The following EPHA6 variants were observed in gnomAD, a reference collection of about 807,000 sequenced individuals.
EPHA6 encodes the protein EPH receptor A6.
In EPHA6, 50 loss-of-function variants were observed where a neutral mutation model predicts 112.0. That is an observed-to-expected ratio of 0.45 (90% CI 0.36 to 0.56). EPHA6 has a LOEUF of 0.56. Among genes scored for constraint, EPHA6 ranks in the 20% least tolerant of loss-of-function variants. The pLI, the probability that EPHA6 is intolerant of heterozygous loss-of-function variation, is 0.00. For missense variants in EPHA6, 1,280 were observed against 1,417.4 expected (o/e 0.90, Z 1.56); for synonymous variants, 529 against 490.7 (o/e 1.08, Z -1.03).
chr3:96,964,620 C>T (rs538857100), intron 2 of EPHA6, among the ~76,000 whole-genome samples: 7 of 152,184 alleles, frequency 4.6e-5, no homozygotes, highest in African/African-American at 1.4e-4. Context: ...TTGATGCATA[C>T]GTTTCACTGT....
At chr3:97,446,242 T>C (rs2090341641) in intron 6 of EPHA6, among the ~76,000 whole-genome samples, 1 of 152,148 alleles carries the variant, frequency 6.6e-6, no homozygotes, top group African/African-American at 2.4e-5. Flanking sequence ...TTCCTCATCA[T>C]GTCAGCAAGC....
chr3:97,587,864 C>T (rs552193701), intron 11 of EPHA6, among the ~76,000 whole-genome samples: 18 of 152,192 alleles, frequency 1.2e-4, no homozygotes, highest in African/African-American at 4.3e-4. Context: ...CTGTGTTGGG[C>T]CAGGTAAAAT....
chr3:97,678,912 C>A (rs1178082341), intron 14 of EPHA6, among the ~76,000 whole-genome samples: 1 of 151,986 alleles, frequency 6.6e-6, no homozygotes, highest in Admixed American at 6.6e-5. Context: ...TCAGTGTGTA[C>A]CTTTGTGTGT....
intron 3 of EPHA6, among the ~76,000 whole-genome samples, chr3:97,164,479 A>T (rs750421404): frequency 6.6e-6 from 1 of 151,896 alleles, no homozygotes; most frequent in East Asian, 1.9e-4. Context: ...CATGTTGCTT[A>T]TTTTTCTCTC....
At chr3:96,856,416 G>A (rs1220485775) in intron 1 of EPHA6, among the ~76,000 whole-genome samples, 1 of 151,962 alleles carries the variant, frequency 6.6e-6, no homozygotes, top group Non-Finnish European at 1.5e-5. Context: ...TCACATGTAA[G>A]AAACCTTGGA....
intron 3 of EPHA6, among the ~76,000 whole-genome samples, chr3:97,218,744 C>T (rs1384363482): frequency 6.6e-6 from 1 of 152,192 alleles, no homozygotes; most frequent in Admixed American, 6.5e-5. Flanking sequence ...TGATACCAAT[C>T]ATGCCTTCCC....
chr3:97,447,030 G>T (rs1469737137), intron 6 of EPHA6, among the ~76,000 whole-genome samples: 1 of 151,388 alleles, frequency 6.6e-6, no homozygotes, highest in African/African-American at 2.4e-5. Flanking sequence ...TTTTTTCCTT[G>T]TACTTTATGT....
chr3:97,657,527 A>AT (rs1046559355), intron 14 of EPHA6, among the ~76,000 whole-genome samples: 2 of 151,898 alleles, frequency 1.3e-5, no homozygotes, highest in African/African-American at 4.8e-5. Context: ...TGGAGCTGTG[A>AT]TTTTAATCTC....
intron 2 of EPHA6, among the ~76,000 whole-genome samples, chr3:96,947,363 C>T (rs986456958): frequency 1.3e-5 from 2 of 152,010 alleles, no homozygotes; most frequent in African/African-American, 4.8e-5. Flanking sequence ...TTGTATAAGG[C>T]ATAAGGAAGG....
intron 3 of EPHA6, among the ~76,000 whole-genome samples, chr3:97,030,643 T>C (rs1443035595): frequency 1.3e-5 from 2 of 151,876 alleles, no homozygotes; most frequent in African/African-American, 4.8e-5. Context: ...TGGTGCATAA[T>C]TATTACCTCA....
At chr3:96,897,459 T>C (rs1271741421) in intron 2 of EPHA6, among the ~76,000 whole-genome samples, 1 of 152,234 alleles carries the variant, frequency 6.6e-6, no homozygotes, top group African/African-American at 2.4e-5. Context: ...AGAGAGGTTG[T>C]TATTGAATCA....
chr3:97,704,500 C>T (rs559453728), intron 14 of EPHA6, among the ~76,000 whole-genome samples: 91 of 152,234 alleles, frequency 6.0e-4, no homozygotes, highest in African/African-American at 1.9e-3. Context: ...TCCCTCTTGC[C>T]GATGACCTAT....
chr3:97,567,089 T>C (rs1403353510), intron 11 of EPHA6, among the ~76,000 whole-genome samples: 1 of 152,242 alleles, frequency 6.6e-6, no homozygotes, highest in Admixed American at 6.5e-5. Flanking sequence ...GGTTCATTCA[T>C]GTTTTATTCT....
chr3:96,952,155 C>G (rs1206285413), intron 2 of EPHA6, among the ~76,000 whole-genome samples: 1 of 152,144 alleles, frequency 6.6e-6, no homozygotes, highest in African/African-American at 2.4e-5. Flanking sequence ...CTACACCCAT[C>G]CAGACAAGAA....
intron 2 of EPHA6, among the ~76,000 whole-genome samples, chr3:96,906,200 A>G (rs74361964): frequency 0.069 from 10,513 of 152,136 alleles, 719 homozygotes; most frequent in Admixed American, 0.21. Context: ...AGAGAGAAGT[A>G]GGAGACAAGG....
At chr3:97,575,688 C>G (rs761987060) in intron 11 of EPHA6, among the ~76,000 whole-genome samples, 4 of 151,986 alleles carry the variant, frequency 2.6e-5, no homozygotes, top group African/African-American at 7.2e-5. Flanking sequence ...CTGTGGGGAG[C>G]CTTTGAAAGG....
At chr3:97,328,800 G>A (rs1428652536) in intron 5 of EPHA6, among the ~76,000 whole-genome samples, 4 of 151,790 alleles carry the variant, frequency 2.6e-5, no homozygotes, top group African/African-American at 9.7e-5. Flanking sequence ...TTTTTCTACT[G>A]TGCTATTTTT....
intron 13 of EPHA6, among the ~76,000 whole-genome samples, chr3:97,636,330 G>T (rs968765165): frequency 6.6e-6 from 1 of 152,040 alleles, no homozygotes; most frequent in Non-Finnish European, 1.5e-5. Context: ...ATAGAAGAGT[G>T]GTAGGTAGTG....
intron 14 of EPHA6, among the ~76,000 whole-genome samples, chr3:97,652,030 A>G (rs751166250): frequency 3.5e-4 from 53 of 151,872 alleles, no homozygotes; most frequent in Non-Finnish European, 5.9e-5. Flanking sequence ...CCGAGTGTCT[A>G]TTCTTCCTTT....
Sources: gnomAD v4.1 joint callset for allele counts (sites outside exome capture counted in the v4.1 genomes callset) on GRCh38, gnomAD v4.1.1 for gene constraint, MANE v1.5 for transcripts, NCBI Gene and HGNC (gene_info 2026-07-23, HGNC 2026-07-21) for gene names.